The following PPP1R15B variants were observed in gnomAD, a reference collection of about 807,000 sequenced individuals.
PPP1R15B encodes protein phosphatase 1, regulatory (inhibitor) subunit 15B.
In PPP1R15B, 31 loss-of-function variants were observed where a neutral mutation model predicts 53.9. That is an observed-to-expected ratio of 0.58 (90% CI 0.43 to 0.78). The LOEUF (loss-of-function observed/expected upper bound fraction) is 0.78. Ranked by LOEUF, PPP1R15B falls within the 30% of genes least tolerant of loss-of-function variation. The pLI is 0.00. For synonymous variants in PPP1R15B, 345 were observed against 329.1 expected, an observed-to-expected ratio of 1.05 and a Z score of -0.52; for missense variants, 928 against 849.6, an observed-to-expected ratio of 1.09 and a Z score of -1.15.
At chr1:204,402,126 T>C (rs1674188477), downstream of PPP1R15B, among the ~76,000 whole-genome samples, 1 of 152,116 alleles carries the variant, frequency 6.6e-6, no homozygotes, top group Non-Finnish European at 1.5e-5. Context: ...AAGATAGAAA[T>C]AAAATTATAA....
chr1:204,403,050 T>G (rs553492273), downstream of PPP1R15B, among the ~76,000 whole-genome samples: 55 of 152,188 alleles, frequency 3.6e-4, no homozygotes, highest in Admixed American at 2.2e-3. Context: ...GCAGCCTGGG[T>G]GACAGAGGCT....
Position 204,405,450 on chromosome 1 carries a change from TG to T in PPP1R15B, c.*641del. The stretch of plus-strand genomic sequence containing the variant: ...CACATATGGGTTTTGTGGCAGTCCT[TG>T]GAAATATCCTAGGTAGAACTTAATG... On this transcript the variant is annotated 3_prime_UTR_variant, in exon 2 of 2. Transcript: ENST00000367188. The T allele has an allele frequency of 1.0e-6, 1 of 984,282 alleles. No individual in the cohort carries two copies. The highest frequency in any genetic ancestry group is 1.2e-6 in the Non-Finnish European group (1 of 828,990). The allele number at this position is 984,282 out of a possible 1,614,324, so 61.0% of individuals were successfully genotyped here. A position where few individuals can be genotyped will look rare whatever the true frequency, so the allele number is the denominator to read the frequency against.
chr1:204,396,373 A>G (rs967809295), downstream of PPP1R15B, among the ~76,000 whole-genome samples: 3 of 42,182 alleles, frequency 7.1e-5, no homozygotes, highest in Admixed American at 2.7e-4. Context: ...AAAAAAAGCA[A>G]AAACAAAAAC....
rs984075181 is a variant in PPP1R15B at position 204,406,154 on chromosome 1, T to C, written c.2080A>G (p.Arg694Gly). Residue 694 changes from arginine to glycine, a missense_variant, in exon 2 of 2, where the codon AGA (arginine) becomes GGA (glycine). Transcript: ENST00000367188. ...GYCLTFEHRE[R>G]MFNRLQGTCF... Reference sequence around the variant, plus strand: ...GTTCCCTGGAGTCTATTAAACATTCTTTCTCTGTGTTCAAATGTCAAGCAA... The same window carrying C: ...GTTCCCTGGAGTCTATTAAACATTCCTTCTCTGTGTTCAAATGTCAAGCAA... The C allele has an allele frequency of 1.2e-6, 2 of 1,614,070 alleles. No individual in the cohort carries two copies. The highest frequency in any genetic ancestry group is 4.5e-5 in the East Asian group (2 of 44,892).
intron 1 of PPP1R15B, among the ~76,000 whole-genome samples, chr1:204,409,176 T>C (rs973798280): frequency 3.3e-5 from 5 of 152,358 alleles, no homozygotes; most frequent in South Asian, 4.1e-4. Context: ...CAAAGTTTAA[T>C]AGTCCGTTAA....
chr1:204,411,202 G>C lies in PPP1R15B; in HGVS notation c.210C>G (p.Leu70=), dbSNP rs748037267. Residue 70 remains leucine (L), a synonymous_variant, in exon 1 of 2, where the codon CTC becomes CTG. Transcript: ENST00000367188. ...GAAGCAATCCGGGGAGCGGCGCAAG[G>C]AGCTGGGAGAGCAGTTTCGTCCAGT... ...VSYWTKLLSQ[L]LAPLPGLLQK... is the part of the protein sequence containing the mutation. The C allele has an allele frequency of 6.2e-7, 1 of 1,614,252 alleles. No individual in the cohort carries two copies. Among genetic ancestry groups the C allele is most frequent in the East Asian group, 2.2e-5 (1 of 44,890 alleles).
chr1:204,410,209 T>C lies in PPP1R15B; in HGVS notation c.1203A>G (p.Ile401Met). 6.2e-7 allele frequency: 1 copy of C among 1,614,150 alleles called. No homozygotes were observed. The highest frequency in any genetic ancestry group is 8.5e-7 in the Non-Finnish European group (1 of 1,180,038). The change falls in exon 1 of 2, where the codon ATA becomes ATG. Residue 401 changes from isoleucine to methionine, a missense_variant. Transcript: ENST00000367188. The part of the protein sequence containing the change: ...PMEKEPGEGR[I>M]SVVDYSYLEG... ...CTAGGTATGAGTAATCAACTACACT[T>C]ATTCGGCCCTCTCCAGGCTCCTTTT...
At position 204,411,305 on chromosome 1, in the gene PPP1R15B, A is replaced by C. The variant is rs777559530; in HGVS notation, c.107T>G (p.Phe36Cys). The C allele has an allele frequency of 1.2e-6, 2 of 1,614,194 alleles. No individual in the cohort carries two copies. Among genetic ancestry groups the C allele is most frequent in the Admixed American group, 3.3e-5 (2 of 60,028 alleles). The change falls in exon 1 of 2, where the codon TTC becomes TGC. Residue 36 changes from phenylalanine to cysteine, a missense_variant. By Grantham distance (205) the Phe-to-Cys change is radical. Coordinates refer to ENST00000367188, the MANE Select transcript of PPP1R15B (RefSeq NM_032833.5). ...GTTTTCCGGGCCAAGAGGCGTCGGG[A>C]ACTTAGAAGAGCCTGCTTGCGATCG... ...PRRSQAGSSK[F>C]PTPLGPENSG...
chr1:204,397,770 C>T (rs180923759), downstream of PPP1R15B, among the ~76,000 whole-genome samples: 2 of 152,046 alleles, frequency 1.3e-5, no homozygotes, highest in African/African-American at 2.4e-5. Flanking sequence ...TAATGAAGTG[C>T]CTTTCATAAC....
rs764233781 is a variant in PPP1R15B at position 204,410,323 on chromosome 1, T to C, written c.1089A>G (p.Glu363=). The change falls in exon 1 of 2, where the codon GAA becomes GAG. Residue 363 remains glutamate (E), a synonymous_variant. Coordinates refer to ENST00000367188, the MANE Select transcript of PPP1R15B (RefSeq NM_032833.5). ...CCTCTGTAGTTAATAATTCTATTTT[T>C]TCTTCAGTGGATTCCTGGGTGTTTC... The part of the protein sequence containing the change: ...IPGNTQESTE[E]KIELLTTEVP... 3.1e-6 allele frequency: 5 copies of C among 1,614,214 alleles called. No homozygotes were observed. In the East Asian group the frequency reaches 1.1e-4, roughly 36 times the overall value.
In PPP1R15B at chr1:204,405,657, T is replaced by A; in HGVS notation, c.*435A>T. 1 of 984,108 alleles carries A rather than the reference T, an allele frequency of 1.0e-6. No individual in the cohort carries two copies. The highest frequency in any genetic ancestry group is 1.2e-6 in the Non-Finnish European group (1 of 828,194). 61.0% of individuals were successfully genotyped at this position (984,108 alleles called of 1,614,324 possible). On this transcript the variant is annotated 3_prime_UTR_variant, in exon 2 of 2. Coordinates refer to ENST00000367188, the MANE Select transcript of PPP1R15B (RefSeq NM_032833.5). ...AGAAAAACATAAAAGCCCATTAACT[T>A]CTGAATTTTGGGAAAGAAACAAGAA...
intron 1 of PPP1R15B, 90 bp downstream of exon 1, chr1:204,409,402 C>T (rs1572255914): frequency 7.1e-7 from 1 of 1,403,572 alleles, no homozygotes; most frequent in East Asian, 2.3e-5. Flanking sequence ...AAAATACATG[C>T]ACTCCTAAGC....
In PPP1R15B at chr1:204,411,737, G is replaced by A. The variant is rs938605103; in HGVS notation, c.-326C>T. The stretch of plus-strand genomic sequence containing the variant: ...CTCGGCGATGGTTTTCCGACTGACA[G>A]AGGGTTGAAAAGCCCCTGAGCAACG... On this transcript the variant is annotated 5_prime_UTR_variant, in exon 1 of 2. Transcript: ENST00000367188. 1.2e-5 allele frequency: 5 copies of A among 419,418 alleles called. No individual in the cohort carries two copies. Among genetic ancestry groups the A allele is most frequent in the East Asian group, 9.5e-5 (2 of 21,058 alleles). 26.0% of individuals were successfully genotyped at this position (419,418 alleles called of 1,614,324 possible). A position where few individuals can be genotyped will look rare whatever the true frequency, so the allele number is the denominator to read the frequency against.
Position 204,409,849 on chromosome 1 carries a change from C to A in PPP1R15B, c.1563G>T (p.Glu521Asp). 6.2e-7 allele frequency: 1 copy of A among 1,614,150 alleles called. No homozygotes were observed. Among genetic ancestry groups the A allele is most frequent in the Non-Finnish European group, 8.5e-7 (1 of 1,180,022 alleles). Residue 521 changes from glutamate to aspartate, a missense_variant, in exon 1 of 2, where the codon GAG (glutamate) becomes GAT (aspartate). Transcript: ENST00000367188. ...EKDLSGKSDLENSSQSGSLPE... is the reference protein window; with the variant it reads ...EKDLSGKSDLDNSSQSGSLPE... ...GAAGGCTTCCAGACTGGGAGGAATT[C>A]TCTAGATCAGACTTGCCAGACAAAT...
At chr1:204,400,959 A>C (rs1674170305), downstream of PPP1R15B, among the ~76,000 whole-genome samples, 1 of 152,212 alleles carries the variant, frequency 6.6e-6, no homozygotes, top group African/African-American at 2.4e-5. Flanking sequence ...TGCGGCTCTC[A>C]GGCTCATTAG....
chr1:204,396,289 CTT>C (rs1295852560), downstream of PPP1R15B, among the ~76,000 whole-genome samples: 1 of 148,536 alleles, frequency 6.7e-6, no homozygotes, highest in Non-Finnish European at 1.5e-5. Flanking sequence ...AGGCAGATCT[CTT>C]GAGCCCAGAA....
chr1:204,404,519 T>C lies in PPP1R15B; in HGVS notation c.*1573A>G. 2.0e-6 allele frequency: 2 copies of C among 984,830 alleles called. No homozygotes were observed. The highest frequency in any genetic ancestry group is 2.4e-6 in the Non-Finnish European group (2 of 829,192). The allele number at this position is 984,830 out of a possible 1,614,324, so 61.0% of individuals were successfully genotyped here. ...AGAAAAAAACAAAAAACACACAGAA[T>C]AAGGGCTCTGCAAAAATTTGACCAG... is the stretch of plus-strand genomic sequence containing the variant. On this transcript the variant is annotated 3_prime_UTR_variant, in exon 2 of 2. Coordinates refer to ENST00000367188, the MANE Select transcript of PPP1R15B (RefSeq NM_032833.5).
In PPP1R15B at chr1:204,404,977, T is replaced by C; in HGVS notation, c.*1115A>G. ...AAAGTAAAGGCCTTGCCATTACTTC[T>C]CTCATTATTAAATAGTAGGACACAA... On this transcript the variant is annotated 3_prime_UTR_variant, in exon 2 of 2. Transcript: ENST00000367188. The C allele has an allele frequency of 1.0e-6, 1 of 983,698 alleles. No homozygotes were observed. The highest frequency in any genetic ancestry group is 1.2e-6 in the Non-Finnish European group (1 of 827,952). The allele number at this position is 983,698 out of a possible 1,614,324, so 60.9% of individuals were successfully genotyped here.
At chr1:204,407,634 A>G (rs1674288144) in intron 1 of PPP1R15B, among the ~76,000 whole-genome samples, 1 of 152,210 alleles carries the variant, frequency 6.6e-6, no homozygotes, top group African/African-American at 2.4e-5. Flanking sequence ...AATACTACTC[A>G]TTCATTGTGT....
Sources: gnomAD v4.1 joint callset for allele counts (sites outside exome capture counted in the v4.1 genomes callset) on GRCh38, gnomAD v4.1.1 for gene constraint, MANE v1.5 for transcripts, NCBI Gene and HGNC (gene_info 2026-07-23, HGNC 2026-07-21) for gene names.